The following CREBBP variants were observed in gnomAD, a reference collection of about 807,000 sequenced individuals.
The protein encoded by CREBBP is CREB-binding protein.
CREBBP carries 19 observed loss-of-function variants against 265.0 expected under a neutral mutation model. The observed-to-expected ratio is 0.07, with a 90% CI of 0.05 to 0.11. The LOEUF is 0.11. Among genes scored for constraint, CREBBP ranks in the 10% least tolerant of loss-of-function variants. The pLI, the probability that CREBBP is intolerant of heterozygous loss-of-function variation, is 1.00. For synonymous variants in CREBBP, 1,457 were observed against 1,223.7 expected (o/e 1.19, Z -3.98); for missense variants, 2,525 against 3,219.0 (o/e 0.78, Z 5.22).
intron 1 of CREBBP, among the ~76,000 whole-genome samples, chr16:3,871,193 TCTCACTCACACACACA>T (rs1567378957): frequency 9.8e-5 from 14 of 142,462 alleles, no homozygotes; most frequent in Non-Finnish European, 1.4e-4. Flanking sequence ...TCTCTCTCTC[TCTCACTCACACACACA>T]CACACACACA....
rs780545388 is a variant in CREBBP, at chr16:3,729,219, G to A, written c.5828C>T (p.Pro1943Leu). The A allele has an allele frequency of 2.8e-5, 43 of 1,528,576 alleles. No individual in the cohort carries two copies. Among genetic ancestry groups the A allele is most frequent in the East Asian group, 4.9e-5 (2 of 40,804 alleles). The allele number at this position is 1,528,576 out of a possible 1,614,324, so 94.7% of individuals were successfully genotyped here. A position where few individuals can be genotyped will look rare whatever the true frequency, so the allele number is the denominator to read the frequency against. ...VSTGKPTSQV[P>L]APPPPAQPPP... ...GGGCTGGGCCGGGGGTGGGGGGGCCGGCACCTGGCTGGTAGGCTTCCCTGT... is the reference window on the plus strand; with the variant it reads ...GGGCTGGGCCGGGGGTGGGGGGGCCAGCACCTGGCTGGTAGGCTTCCCTGT... Residue 1943 changes from proline (P) to leucine (L), a missense_variant, in exon 31 of 31, where the codon CCG becomes CTG. Physicochemically the swap from Pro to Leu is moderately conservative, Grantham distance 98. This residue lies in a region of CREBBP where 275 missense variants were observed against 276.5 expected (regional missense o/e 0.99). Transcript: ENST00000262367.
Position 3,780,884 on chromosome 16 carries a change from G to T in CREBBP, c.1677-6C>A, listed in dbSNP as rs1289291150. ...AGCCATCGTTCATCAGTGGGCTAAG[G>T]AGGAAATAAAGACACTTCATCCATC... On this transcript the variant is annotated splice_polypyrimidine_tract_variant and splice_region_variant and intron_variant, in intron 7 of 30. Coordinates refer to ENST00000262367, the MANE Select transcript of CREBBP (RefSeq NM_004380.3). 1 of 1,613,172 alleles carries T rather than the reference G, an allele frequency of 6.2e-7. No individual in the cohort carries two copies. Among genetic ancestry groups the T allele is most frequent in the Non-Finnish European group, 8.5e-7 (1 of 1,180,018 alleles).
At chr16:3,844,787 C>T (rs2054632114) in intron 2 of CREBBP, among the ~76,000 whole-genome samples, 1 of 152,146 alleles carries the variant, frequency 6.6e-6, no homozygotes, top group African/African-American at 2.4e-5. Context: ...TACATAACAT[C>T]TTTCCTATAT....
At position 3,731,830 on chromosome 16, in the gene CREBBP, G is replaced by A. The variant is rs1170224083; in HGVS notation, c.4836C>T (p.Asn1612=). 6.2e-6 allele frequency: 10 copies of A among 1,614,262 alleles called. No homozygotes were observed. Among genetic ancestry groups the A allele is most frequent in the South Asian group, 3.3e-5 (3 of 91,088 alleles). Residue 1612 remains asparagine (N), a synonymous_variant, in exon 29 of 31, where the codon AAC becomes AAT. Coordinates refer to ENST00000262367, the MANE Select transcript of CREBBP (RefSeq NM_004380.3). This position sits in a 1 kb window ranked among gnomAD's most constrained non-coding sequence, Gnocchi z 7.7. ...RANKKKPSMP[N]VSNDLSQKLY... ...GCTTCTGGGACAGGTCATTGGACAC[G>A]TTGGGCATGCTGGGCTTCTTCTTGT...
chr16:3,778,639 A>G (rs750512640), intron 9 of CREBBP, 61 bp downstream of exon 9: 47 of 1,308,238 alleles, frequency 3.6e-5, no homozygotes, highest in Non-Finnish European at 5.1e-5. Context: ...CAAAGCAGAC[A>G]AATGTAGTGC....
intron 2 of CREBBP, among the ~76,000 whole-genome samples, chr16:3,815,240 C>T (rs970725017): frequency 6.6e-6 from 1 of 152,060 alleles, no homozygotes; most frequent in African/African-American, 2.4e-5. Context: ...AACGTCCCAA[C>T]AGGTACTTGA....
chr16:3,759,935 C>T (rs1426860062), intron 16 of CREBBP, among the ~76,000 whole-genome samples: 5 of 152,082 alleles, frequency 3.3e-5, no homozygotes, highest in African/African-American at 9.7e-5. Flanking sequence ...GGAAGCTGTT[C>T]GGTGTGGGAG....
At position 3,729,332 on chromosome 16, in the gene CREBBP, G is replaced by T. The variant is rs374292709; in HGVS notation, c.5715C>A (p.Pro1905=). 3 of 1,578,784 alleles carry T rather than the reference G, an allele frequency of 1.9e-6. No homozygotes were observed. The highest frequency in any genetic ancestry group is 1.7e-6 in the Non-Finnish European group (2 of 1,167,644). ...QQPSTPQTPQ[P]PAQPQPSPVS... ...CGGGTGAGGGTTGGGGCTGGGCAGG[G>T]GGCTGCGGCGTCTGGGGTGTGCTGG... The change falls in exon 31 of 31, where the codon CCC becomes CCA. Residue 1905 remains proline, a synonymous_variant. Coordinates refer to ENST00000262367, the MANE Select transcript of CREBBP (RefSeq NM_004380.3).
intron 2 of CREBBP, among the ~76,000 whole-genome samples, chr16:3,849,451 G>GACCT (rs2054771332): frequency 1.6e-5 from 1 of 64,310 alleles, no homozygotes; most frequent in African/African-American, 4.5e-5. Context: ...GTGTGTGTGT[G>GACCT]TGTGTGTGTG....
intron 2 of CREBBP, among the ~76,000 whole-genome samples, chr16:3,823,236 C>T (rs1015730261): frequency 7.9e-5 from 12 of 152,272 alleles, no homozygotes; most frequent in African/African-American, 2.6e-4. Context: ...TTCTTAAAGT[C>T]GTTCTCTACT....
chr16:3,729,666 G>A lies in CREBBP; in HGVS notation c.5381C>T (p.Ser1794Phe), dbSNP rs2151311259. The A allele has an allele frequency of 6.2e-7, 1 of 1,613,728 alleles. No individual in the cohort carries two copies. The highest frequency in any genetic ancestry group is 8.5e-7 in the Non-Finnish European group (1 of 1,179,990). Residue 1794 changes from serine to phenylalanine, a missense_variant, in exon 31 of 31, where the codon TCC becomes TTC. Coordinates refer to ENST00000262367, the MANE Select transcript of CREBBP (RefSeq NM_004380.3). The stretch of plus-strand genomic sequence containing the variant: ...CACCACCCGCTTCATCTTCTGGCAG[G>A]ATGGCAGCGAGCAGTTGGCGTTGCG... Reference protein sequence around the residue: ...QCRNANCSLPSCQKMKRVVQH... With the variant: ...QCRNANCSLPFCQKMKRVVQH...
chr16:3,748,471 C>G (rs1006721228), intron 21 of CREBBP, among the ~76,000 whole-genome samples: 1 of 152,188 alleles, frequency 6.6e-6, no homozygotes, highest in Non-Finnish European at 1.5e-5. Flanking sequence ...ATCGTCCTGT[C>G]TGTGTACCAT....
chr16:3,731,974 G>A lies in CREBBP; in HGVS notation c.4729-37C>T. ...CGCAAGGCTGTGAGACCAGGCAAGT[G>A]CCCCTCCACACTTGGCACGGACGCC... On this transcript the variant is annotated intron_variant, in intron 28 of 30. Coordinates refer to ENST00000262367, the MANE Select transcript of CREBBP (RefSeq NM_004380.3). The surrounding 1 kb of genome is among the most constrained non-coding windows in gnomAD (Gnocchi z 7.7). The A allele has an allele frequency of 1.9e-6, 3 of 1,614,018 alleles. No homozygotes were observed. Among genetic ancestry groups the A allele is most frequent in the South Asian group, 1.1e-5 (1 of 91,072 alleles).
chr16:3,777,694 C>G (rs1412690469), intron 10 of CREBBP, 37 bp from the exon 11 acceptor site: 1 of 1,609,180 alleles, frequency 6.2e-7, no homozygotes, highest in Non-Finnish European at 8.5e-7. Flanking sequence ...CAAAACCACC[C>G]TAGTTATTTA....
At chr16:3,771,181 G>A (rs1005807293) in intron 13 of CREBBP, among the ~76,000 whole-genome samples, 195 bp from the exon 14 acceptor site, 5 of 152,030 alleles carry the variant, frequency 3.3e-5, no homozygotes, top group African/African-American at 7.3e-5. Context: ...CAATTCTCCT[G>A]TCTCAGCTTC....
At position 3,729,341 on chromosome 16, in the gene CREBBP, C is replaced by G. The variant is rs767156418; in HGVS notation, c.5706G>C (p.Thr1902=). The G allele has an allele frequency of 6.3e-7, 1 of 1,590,472 alleles. No individual in the cohort carries two copies. Among genetic ancestry groups the G allele is most frequent in the Non-Finnish European group, 8.5e-7 (1 of 1,172,924 alleles). ...TPTQQPSTPQ[T]PQPPAQPQPS... is the part of the protein sequence containing the mutation. ...GTTGGGGCTGGGCAGGGGGCTGCGG[C>G]GTCTGGGGTGTGCTGGGCTGCTGTG... The change falls in exon 31 of 31, where the codon ACG becomes ACC. Residue 1902 remains threonine (T), a synonymous_variant. Transcript: ENST00000262367.
chr16:3,779,544 T>C (rs1218699328), intron 8 of CREBBP, among the ~76,000 whole-genome samples: 1 of 152,078 alleles, frequency 6.6e-6, no homozygotes, highest in Admixed American at 6.6e-5. Flanking sequence ...GGCAATACAG[T>C]GTGGAGAGAA....
rs1041040989 is a variant in CREBBP, at chr16:3,855,657, T to C, written c.86-4648A>G. Among the ~76,000 whole-genome samples, 11 of 152,318 alleles carry C rather than the reference T, an allele frequency of 7.2e-5. No individual in the cohort carries two copies. In the East Asian group the frequency reaches 9.6e-4, roughly 13 times the overall value. On this transcript the variant is annotated intron_variant, in intron 1 of 30. Transcript: ENST00000262367. ...CCTCATGGTTACAGGGCATGTCATT[T>C]TGAAGAGAAAGGAATCTGATCCCGG...
chr16:3,735,565 G>T (rs1393495325), intron 28 of CREBBP, among the ~76,000 whole-genome samples: 1 of 152,182 alleles, frequency 6.6e-6, no homozygotes. Flanking sequence ...CAAAGTGCGG[G>T]GTTACAGGTG....
Sources: gnomAD v4.1 joint callset for allele counts (sites outside exome capture counted in the v4.1 genomes callset) on GRCh38, gnomAD v4.1.1 for gene constraint, gnomAD v4.1.1 regional missense constraint, Gnocchi (gnomAD v3.1) non-coding constraint, MANE v1.5 for transcripts, NCBI Gene and HGNC (gene_info 2026-07-23, HGNC 2026-07-21) for gene names.